CCDC81: variants seen among roughly 807,000 people sequenced by gnomAD.
CCDC81 encodes the protein coiled-coil domain containing 81.
A neutral mutation model predicts 83.7 loss-of-function variants in CCDC81; 79 were observed. The ratio of observed to expected loss-of-function variants is 0.94; its 90% confidence interval spans 0.79 to 1.14. The LOEUF is 1.14. Among genes scored for constraint, CCDC81 ranks in the 50% most tolerant of loss-of-function variants. The pLI is 0.00. For synonymous variants in CCDC81, 252 were observed against 278.1 expected (o/e 0.91, Z 0.93); for missense variants, 791 against 778.1 (o/e 1.02, Z -0.20).
At chr11:86,399,965 C>A (rs1261896751) in intron 6 of CCDC81, among the ~76,000 whole-genome samples, 4 of 138,440 alleles carry the variant, frequency 2.9e-5, no homozygotes, top group Non-Finnish European at 4.9e-5. Context: ...TCTACTACTA[C>A]TACAAAAAAA....
rs1340881200 is a variant in CCDC81 at position 86,419,978 on chromosome 11, A to C, written c.1742A>C (p.Gln581Pro). Reference protein sequence around the residue: ...AELERVNRVNQCLQEDWERSA... With the variant: ...AELERVNRVNPCLQEDWERSA... Reference sequence around the variant, plus strand: ...CTGGAGCGAGTAAATAGAGTCAACCAATGCTTACAGGAGGACTGGGAAAGG... The same window carrying C: ...CTGGAGCGAGTAAATAGAGTCAACCCATGCTTACAGGAGGACTGGGAAAGG... Residue 581 changes from glutamine (Q) to proline (P), a missense_variant, in exon 14 of 15, where the codon CAA becomes CCA. Physicochemically the swap from Gln to Pro is moderately conservative, Grantham distance 76. Transcript: ENST00000445632. 6.2e-7 allele frequency: 1 copy of C among 1,613,930 alleles called. No homozygotes were observed. Among genetic ancestry groups the C allele is most frequent in the South Asian group, 1.1e-5 (1 of 91,006 alleles).
At chr11:86,401,336 A>T (rs946331776) in intron 7 of CCDC81, among the ~76,000 whole-genome samples, 1 of 151,878 alleles carries the variant, frequency 6.6e-6, no homozygotes, top group Non-Finnish European at 1.5e-5. Flanking sequence ...GATACTTTTT[A>T]AGACCTCAAA....
chr11:86,390,027 C>G (rs1472914297), intron 3 of CCDC81, among the ~76,000 whole-genome samples: 1 of 152,154 alleles, frequency 6.6e-6, no homozygotes, highest in Admixed American at 6.5e-5. Flanking sequence ...CTTGCTTGAA[C>G]CCCAGAGGCG....
intron 2 of CCDC81, among the ~76,000 whole-genome samples, chr11:86,386,670 A>G (rs1468282023): frequency 6.6e-6 from 1 of 152,196 alleles, no homozygotes; most frequent in African/African-American, 2.4e-5. Context: ...AGGTCCTACT[A>G]TGAGAGCTCT....
chr11:86,403,822 T>C (rs920587990), intron 7 of CCDC81, among the ~76,000 whole-genome samples: 1 of 152,180 alleles, frequency 6.6e-6, no homozygotes, highest in Admixed American at 6.5e-5. Context: ...TGAGTATAAC[T>C]CGTTTGGGGA....
rs781451099 is a variant in CCDC81, at chr11:86,395,350, A to C, written c.572A>C (p.Asp191Ala). 2.0e-5 allele frequency: 32 copies of C among 1,613,776 alleles called. No homozygotes were observed. The South Asian group carries it at 3.4e-4, about 17-fold the overall frequency. Residue 191 changes from aspartate (D) to alanine (A), a missense_variant, in exon 5 of 15, where the codon GAC (aspartate) becomes GCC (alanine). Coordinates refer to ENST00000445632, the MANE Select transcript of CCDC81 (RefSeq NM_001156474.2). ...GTCCTCTAGAGGCCTGGCACTGTGG[A>C]CTCGGTGTTGTCTAGCAGAGAGGCC... The part of the protein sequence containing the change: ...KALANRPGTV[D>A]SVLSSREALR...
At chr11:86,401,857 C>A (rs1948493107) in intron 7 of CCDC81, among the ~76,000 whole-genome samples, 1 of 152,128 alleles carries the variant, frequency 6.6e-6, no homozygotes, top group Non-Finnish European at 1.5e-5. Flanking sequence ...AAAAAATAGG[C>A]CAGGCGCAGT....
In CCDC81 at chr11:86,375,047, C is replaced by T. The variant is rs1948081021; in HGVS notation, c.-117C>T. ...TTTCGTCACTCTTATTTTTAAGGCACATCCAAAGCTCCGTGGAGAAGGGGC... is the reference window on the plus strand; with the variant it reads ...TTTCGTCACTCTTATTTTTAAGGCATATCCAAAGCTCCGTGGAGAAGGGGC... On this transcript the variant is annotated 5_prime_UTR_variant, in exon 1 of 15. Transcript: ENST00000445632. 1.1e-6 allele frequency: 1 copy of T among 872,140 alleles called. No homozygotes were observed. Among genetic ancestry groups the T allele is most frequent in the Non-Finnish European group, 2.0e-6 (1 of 512,390 alleles). The allele number at this position is 872,140 out of a possible 1,614,324, so 54.0% of individuals were successfully genotyped here.
chr11:86,382,097 T>C (rs1231150899), intron 1 of CCDC81, among the ~76,000 whole-genome samples: 1 of 152,142 alleles, frequency 6.6e-6, no homozygotes, highest in Non-Finnish European at 1.5e-5. Context: ...TACAGGGCCT[T>C]GTAAGTCATA....
intron 1 of CCDC81, among the ~76,000 whole-genome samples, chr11:86,381,913 A>G (rs1017966143): frequency 5.9e-5 from 9 of 152,202 alleles, no homozygotes; most frequent in African/African-American, 2.2e-4. Flanking sequence ...TCAGAGAGGT[A>G]GAGAGTGGAA....
At chr11:86,419,341 G>A (rs1019415320) in intron 13 of CCDC81, 3 of 152,264 alleles carry the variant, frequency 2.0e-5, no homozygotes, top group African/African-American at 7.2e-5. Context: ...ATCTCCCTTT[G>A]AAGACAGAGA....
At chr11:86,397,234 AC>A (rs898030788) in intron 5 of CCDC81, among the ~76,000 whole-genome samples, 118 of 152,292 alleles carry the variant, frequency 7.7e-4, no homozygotes, top group African/African-American at 2.6e-3. Flanking sequence ...GGCATACTCT[AC>A]CAGGCTATGA....
At chr11:86,416,569 A>G (rs1344514629) in intron 13 of CCDC81, among the ~76,000 whole-genome samples, 2 of 152,144 alleles carry the variant, frequency 1.3e-5, no homozygotes, top group African/African-American at 4.8e-5. Context: ...TATGAGAAAG[A>G]AGGATAATCA....
chr11:86,416,386 A>G (rs1948720050), intron 13 of CCDC81, among the ~76,000 whole-genome samples: 1 of 152,220 alleles, frequency 6.6e-6, no homozygotes, highest in African/African-American at 2.4e-5. Flanking sequence ...TGCTTTCCAT[A>G]GCCAGATATG....
intron 10 of CCDC81, among the ~76,000 whole-genome samples, chr11:86,411,518 G>A (rs183434891): frequency 2.0e-5 from 3 of 152,328 alleles, no homozygotes; most frequent in Non-Finnish European, 2.9e-5. Context: ...TGATGAGTGC[G>A]AAGATCTCTG....
chr11:86,422,426 G>T (rs1452135), intron 14 of CCDC81, 148 bp from the exon 15 acceptor site: 5 of 623,212 alleles, frequency 8.0e-6, no homozygotes, highest in Non-Finnish European at 1.4e-5. Context: ...GGAAGCAGGG[G>T]ATGCCAGGAT....
intron 7 of CCDC81, among the ~76,000 whole-genome samples, chr11:86,403,941 T>G (rs936247781): frequency 1.5e-4 from 23 of 152,082 alleles, no homozygotes; most frequent in Admixed American, 9.8e-4. Context: ...AGATTTTGGC[T>G]TAGGTAACTG....
intron 10 of CCDC81, among the ~76,000 whole-genome samples, chr11:86,411,999 C>T (rs11234643): frequency 0.13 from 19,353 of 152,196 alleles, 1,563 homozygotes; most frequent in African/African-American, 0.22. Flanking sequence ...TTTTCCCATA[C>T]ATAGTTTCAA....
chr11:86,415,547 T>A (rs1948707702), intron 13 of CCDC81, among the ~76,000 whole-genome samples: 3 of 152,228 alleles, frequency 2.0e-5, no homozygotes, highest in African/African-American at 7.2e-5. Context: ...ATTAAATAAA[T>A]TTTTAAAAAC....
Sources: gnomAD v4.1 joint callset for allele counts (sites outside exome capture counted in the v4.1 genomes callset) on GRCh38, gnomAD v4.1.1 for gene constraint, MANE v1.5 for transcripts, NCBI Gene and HGNC (gene_info 2026-07-23, HGNC 2026-07-21) for gene names.